The following MAMDC2 variants were observed in gnomAD, a reference collection of about 807,000 sequenced individuals.
MAMDC2 encodes MAM domain-containing protein 2.
Under a neutral mutation model 89.8 loss-of-function variants are expected in MAMDC2, and 57 were observed. The ratio of observed to expected loss-of-function variants is 0.63; its 90% CI spans 0.51 to 0.79. The LOEUF is 0.79. MAMDC2 is among the 30% of genes least tolerant of loss of function. The pLI is 0.00. For synonymous variants in MAMDC2, 313 were observed against 293.4 expected (o/e 1.07, Z -0.68); for missense variants, 800 against 820.6 (o/e 0.97, Z 0.31).
chr9:70,059,210 G>C (rs1827092014), intron 2 of MAMDC2, among the ~76,000 whole-genome samples: 1 of 152,118 alleles, frequency 6.6e-6, no homozygotes, highest in African/African-American at 2.4e-5. Flanking sequence ...TTCAACCGTG[G>C]GATAAAGGCA....
intron 5 of MAMDC2, among the ~76,000 whole-genome samples, chr9:70,124,779 T>C (rs976972450): frequency 1.1e-4 from 17 of 152,192 alleles, no homozygotes; most frequent in African/African-American, 3.9e-4. Flanking sequence ...GATCATAGCT[T>C]ACTGCAACCT....
chr9:70,050,860 G>C (rs1826877325), intron 2 of MAMDC2, among the ~76,000 whole-genome samples: 1 of 152,128 alleles, frequency 6.6e-6, no homozygotes, highest in Non-Finnish European at 1.5e-5. Flanking sequence ...CTTTTGTGTG[G>C]CTGAACAAGG....
At chr9:70,153,829 T>C in intron 9 of MAMDC2, 1 of 152,134 alleles carries the variant, frequency 6.6e-6, no homozygotes, top group East Asian at 1.9e-4. Context: ...TAGGTGAGAA[T>C]CTTGTGTCAG....
chr9:70,068,779 C>T (rs1827330454), intron 2 of MAMDC2, among the ~76,000 whole-genome samples: 1 of 149,270 alleles, frequency 6.7e-6, no homozygotes, highest in African/African-American at 2.5e-5. Flanking sequence ...ATCTAAATTC[C>T]AGGACAAATG....
chr9:70,226,955 AAAT>A lies in MAMDC2; in HGVS notation c.*927_*929del, dbSNP rs2033648209. 6.6e-6 allele frequency: 1 copy of A among 152,064 alleles called. No individual in the cohort carries two copies. The highest frequency in any genetic ancestry group is 1.5e-5 in the Non-Finnish European group (1 of 67,932). 9.4% of individuals were successfully genotyped at this position (152,064 alleles called of 1,614,324 possible). A position where few individuals can be genotyped will look rare whatever the true frequency, so the allele number is the denominator to read the frequency against. The stretch of plus-strand genomic sequence containing the variant: ...ATGAAATTATAAAATTACCTAATAA[AAAT>A]AATTTGAAAATCTTTTCACTAGCAA... On this transcript the variant is annotated 3_prime_UTR_variant, in exon 14 of 14. Transcript: ENST00000377182.
intron 9 of MAMDC2, among the ~76,000 whole-genome samples, chr9:70,144,223 A>T (rs997721671): frequency 3.9e-5 from 6 of 152,180 alleles, no homozygotes; most frequent in Non-Finnish European, 8.8e-5. Flanking sequence ...TAAAAAGGTG[A>T]AATCAGTGAG....
chr9:70,094,186 T>C lies in MAMDC2; in HGVS notation c.149-14025T>C, dbSNP rs140269534. Among the ~76,000 whole-genome samples, 578 of 152,368 alleles carry C rather than the reference T, an allele frequency of 3.8e-3. 2 individuals are homozygous for C. The highest frequency in any genetic ancestry group is 0.013 in the African/African-American group (552 of 41,586). ...TTAAGACTACTTTTGCAGTGTTAGCTATGATATGAGGATAATTTCCCTGTT... is the reference window on the plus strand; with the variant it reads ...TTAAGACTACTTTTGCAGTGTTAGCCATGATATGAGGATAATTTCCCTGTT... On this transcript the variant is annotated intron_variant, in intron 2 of 13. Transcript: ENST00000377182.
At chr9:70,104,636 A>G (rs1183705151) in intron 2 of MAMDC2, among the ~76,000 whole-genome samples, 7 of 152,254 alleles carry the variant, frequency 4.6e-5, no homozygotes, top group Admixed American at 4.6e-4. Flanking sequence ...AATATATGCT[A>G]CAACATGGAT....
At chr9:70,205,829 T>C (rs985445706) in intron 11 of MAMDC2, among the ~76,000 whole-genome samples, 3 of 152,228 alleles carry the variant, frequency 2.0e-5, no homozygotes, top group Admixed American at 1.3e-4. Flanking sequence ...TCCAGAGCTT[T>C]TCTTTGCTGA....
chr9:70,202,172 C>A (rs894066023), intron 11 of MAMDC2, among the ~76,000 whole-genome samples: 70 of 151,416 alleles, frequency 4.6e-4, no homozygotes, highest in Non-Finnish European at 8.7e-4. Flanking sequence ...ATCTTTCCTG[C>A]TTTCTCTTGT....
At chr9:70,100,022 G>GAGAGAGAGAGAGAC (rs1463949610) in intron 2 of MAMDC2, among the ~76,000 whole-genome samples, 1 of 143,456 alleles carries the variant, frequency 7.0e-6, no homozygotes, top group Non-Finnish European at 1.5e-5. Context: ...GAGAGAGAGA[G>GAGAGAGAGAGAGAC]AGCACAAGCA....
At chr9:70,125,918 G>C (rs544779062) in intron 5 of MAMDC2, among the ~76,000 whole-genome samples, 1 of 152,288 alleles carries the variant, frequency 6.6e-6, no homozygotes, top group Non-Finnish European at 1.5e-5. Flanking sequence ...AGTAAGGAAA[G>C]TAAAAGGAAT....
Position 70,226,061 on chromosome 9 carries a change from GA to G in MAMDC2, c.*33del. The G allele has an allele frequency of 1.6e-6, 2 of 1,280,644 alleles. No individual in the cohort carries two copies. Among genetic ancestry groups the G allele is most frequent in the Non-Finnish European group, 2.2e-6 (2 of 907,164 alleles). The allele number at this position is 1,280,644 out of a possible 1,614,324, so 79.3% of individuals were successfully genotyped here. On this transcript the variant is annotated 3_prime_UTR_variant, in exon 14 of 14. Transcript: ENST00000377182. ...ATGATCTGCATTGGATTTACTAGACGAAAACCATACCTCTCTTCAATCAAAA... is the reference window on the plus strand; with the variant it reads ...ATGATCTGCATTGGATTTACTAGACGAAACCATACCTCTCTTCAATCAAAA...
intron 11 of MAMDC2, among the ~76,000 whole-genome samples, chr9:70,215,617 T>C (rs919354543): frequency 6.6e-6 from 1 of 152,256 alleles, no homozygotes; most frequent in Non-Finnish European, 1.5e-5. Context: ...TTCTACTTGT[T>C]CACTGCATTC....
chr9:70,062,833 C>G (rs1032735962), intron 2 of MAMDC2: 1 of 152,200 alleles, frequency 6.6e-6, no homozygotes, highest in Non-Finnish European at 1.5e-5. Flanking sequence ...TCTACAAAAA[C>G]TTAGCAGTTT....
chr9:70,101,294 AT>A (rs1587470722), intron 2 of MAMDC2, among the ~76,000 whole-genome samples: 1 of 152,120 alleles, frequency 6.6e-6, no homozygotes, highest in Admixed American at 6.5e-5. Context: ...AAATGTTAAA[AT>A]TTTTTTTAAT....
At chr9:70,094,628 G>A (rs1827983132) in intron 2 of MAMDC2, among the ~76,000 whole-genome samples, 1 of 152,154 alleles carries the variant, frequency 6.6e-6, no homozygotes, top group Middle Eastern at 3.4e-3. Context: ...TAATAAAAAA[G>A]AGTTTTAATG....
chr9:70,179,045 C>T (rs1587547613), intron 11 of MAMDC2, among the ~76,000 whole-genome samples: 2 of 152,006 alleles, frequency 1.3e-5, no homozygotes, highest in East Asian at 3.8e-4. Context: ...TTTAATATTT[C>T]CAAAGATTAT....
At chr9:70,137,322 C>T (rs2031047070) in intron 7 of MAMDC2, among the ~76,000 whole-genome samples, 1 of 152,118 alleles carries the variant, frequency 6.6e-6, no homozygotes, top group Non-Finnish European at 1.5e-5. Context: ...AAACATCATG[C>T]CCCTTTACCA....
Sources: gnomAD v4.1 joint callset for allele counts (sites outside exome capture counted in the v4.1 genomes callset) on GRCh38, gnomAD v4.1.1 for gene constraint, MANE v1.5 for transcripts, NCBI Gene and HGNC (gene_info 2026-07-23, HGNC 2026-07-21) for gene names.